MYLK4: variants seen among roughly 807,000 people sequenced by gnomAD.
MYLK4 encodes the protein caMLCK like.
MYLK4 carries 46 observed loss-of-function variants against 48.1 expected under a neutral mutation model. That is an observed-to-expected ratio of 0.96 (90% CI 0.75 to 1.22). MYLK4 has a LOEUF of 1.22. Ranked by LOEUF, MYLK4 falls within the 50% of genes most tolerant of loss-of-function variation. The pLI is 0.00. For synonymous variants in MYLK4, 170 were observed against 180.8 expected, an observed-to-expected ratio of 0.94 and a Z score of 0.48; for missense variants, 451 against 486.1, an observed-to-expected ratio of 0.93 and a Z score of 0.68.
chr6:2,692,485 A>C (rs1288350001), intron 3 of MYLK4, among the ~76,000 whole-genome samples: 1 of 152,110 alleles, frequency 6.6e-6, no homozygotes, highest in Non-Finnish European at 1.5e-5. Context: ...TGATCAGTAT[A>C]ATTTTGGCTT....
rs147437561 is a variant in MYLK4, at chr6:2,716,924, C to T, written c.160-24065G>A. 2.1e-3 allele frequency among the ~76,000 whole-genome samples: 327 copies of T among 152,296 alleles called. 1 individual carries two copies. Among genetic ancestry groups the T allele is most frequent in the African/African-American group, 7.6e-3 (315 of 41,556 alleles). ...TACTATAGTAAAGATAAGAGACAGG[C>T]ATTACACCAATAGAAGAAGGATTTC... On this transcript the variant is annotated intron_variant, in intron 2 of 12. Coordinates refer to ENST00000274643, the MANE Select transcript of MYLK4 (RefSeq NM_001012418.5).
At chr6:2,734,379 G>A (rs982985721) in intron 2 of MYLK4, among the ~76,000 whole-genome samples, 1 of 152,182 alleles carries the variant, frequency 6.6e-6, no homozygotes, top group African/African-American at 2.4e-5. Flanking sequence ...TCCTCCAGGA[G>A]ACCAATGTGA....
chr6:2,762,995 A>G, the MYLK4 span, among the ~76,000 whole-genome samples: 5 of 152,212 alleles, frequency 3.3e-5, no homozygotes, highest in African/African-American at 9.7e-5. Context: ...CACCCACACA[A>G]GCAAAAGAAA....
At chr6:2,717,157 G>A (rs1056603509) in intron 2 of MYLK4, among the ~76,000 whole-genome samples, 44 of 152,258 alleles carry the variant, frequency 2.9e-4, no homozygotes, top group Admixed American at 7.8e-4. Context: ...TTCCAGGAAC[G>A]TCTTGAGGAA....
the MYLK4 span, chr6:2,765,792 C>A: frequency 7.1e-7 from 1 of 1,416,962 alleles, no homozygotes; most frequent in Non-Finnish European, 9.2e-7. Context: ...TCGCACCGCG[C>A]CGGGGAGCGG....
At chr6:2,762,899 G>T in the MYLK4 span, among the ~76,000 whole-genome samples, 1 of 152,106 alleles carries the variant, frequency 6.6e-6, no homozygotes. Flanking sequence ...CAGAAATAAA[G>T]CTACAAGTCT....
chr6:2,721,353 A>T lies in MYLK4; in HGVS notation c.159+27783T>A, dbSNP rs528202226. On this transcript the variant is annotated intron_variant, in intron 2 of 12. Transcript: ENST00000274643. ...AAATGCATTCTGGGTACGTGACCTC[A>T]AAGTGAGTTGCAGGACACAGTGACT... Among the ~76,000 whole-genome samples, 10 of 152,290 alleles carry T rather than the reference A, an allele frequency of 6.6e-5. No homozygotes were observed. In the East Asian group the frequency reaches 1.7e-3, roughly 26 times the overall value.
intron 11 of MYLK4, among the ~76,000 whole-genome samples, chr6:2,671,979 C>T (rs762114294): frequency 3.4e-4 from 51 of 152,096 alleles, no homozygotes; most frequent in Non-Finnish European, 5.9e-5. Flanking sequence ...CAATGGGAAA[C>T]GCGTGAAGAT....
chr6:2,765,923 G>A, the MYLK4 span: 25 of 1,452,724 alleles, frequency 1.7e-5, no homozygotes, highest in Non-Finnish European at 2.3e-5. Flanking sequence ...GGAGGGCGAC[G>A]ACGGCGGCGA....
At chr6:2,708,450 GA>G (rs1298000268) in intron 2 of MYLK4, among the ~76,000 whole-genome samples, 2 of 151,448 alleles carry the variant, frequency 1.3e-5, no homozygotes, top group South Asian at 2.1e-4. Context: ...GGCTATGGGA[GA>G]AAAAAAAATC....
the MYLK4 span, among the ~76,000 whole-genome samples, chr6:2,767,466 C>G: frequency 6.6e-6 from 1 of 152,218 alleles, no homozygotes; most frequent in Non-Finnish European, 1.5e-5. Flanking sequence ...AGCACACCCC[C>G]TTTAACTCCA....
At chr6:2,762,063 C>G in the MYLK4 span, among the ~76,000 whole-genome samples, 212 of 152,184 alleles carry the variant, frequency 1.4e-3, 2 homozygotes, top group Middle Eastern at 6.8e-3. Flanking sequence ...AGGCTCGCAC[C>G]GCCACACCCA....
At chr6:2,737,387 T>G (rs747922525) in intron 2 of MYLK4, among the ~76,000 whole-genome samples, 1 of 152,206 alleles carries the variant, frequency 6.6e-6, no homozygotes, top group East Asian at 1.9e-4. Context: ...TCCAAGGCAT[T>G]TTCACACCTG....
intron 10 of MYLK4, among the ~76,000 whole-genome samples, chr6:2,677,270 A>G (rs533465407): frequency 6.6e-6 from 1 of 152,290 alleles, no homozygotes; most frequent in Non-Finnish European, 1.5e-5. Context: ...GGCACACAGT[A>G]GGTGATCAAC....
At chr6:2,756,085 A>G in the MYLK4 span, among the ~76,000 whole-genome samples, 2 of 152,224 alleles carry the variant, frequency 1.3e-5, no homozygotes, top group Non-Finnish European at 2.9e-5. Context: ...CCAACAATGC[A>G]TCACCCAACG....
the MYLK4 span, among the ~76,000 whole-genome samples, chr6:2,760,529 C>A: frequency 6.6e-6 from 1 of 152,168 alleles, no homozygotes; most frequent in Non-Finnish European, 1.5e-5. Flanking sequence ...AAGTTCCAAC[C>A]TTAGGGAGCC....
chr6:2,709,638 T>C (rs1390203979), intron 2 of MYLK4, among the ~76,000 whole-genome samples: 1 of 152,254 alleles, frequency 6.6e-6, no homozygotes, highest in Non-Finnish European at 1.5e-5. Context: ...ATGTTTTTCT[T>C]TGGCAACCTA....
chr6:2,766,333 G>A, the MYLK4 span: 1 of 1,610,788 alleles, frequency 6.2e-7, no homozygotes, highest in South Asian at 1.1e-5. Flanking sequence ...ACACGCTGCA[G>A]GATTACTTCG....
intron 12 of MYLK4, among the ~76,000 whole-genome samples, chr6:2,670,978 T>G (rs1289805497): frequency 6.6e-6 from 1 of 152,018 alleles, no homozygotes; most frequent in East Asian, 1.9e-4. Context: ...GGCTGGTTAT[T>G]GATCCCTCCC....
Sources: gnomAD v4.1 joint callset for allele counts (sites outside exome capture counted in the v4.1 genomes callset) on GRCh38, gnomAD v4.1.1 for gene constraint, MANE v1.5 for transcripts, NCBI Gene and HGNC (gene_info 2026-07-23, HGNC 2026-07-21) for gene names.